Variants in WASF2 observed in about 807,000 individuals in gnomAD.
WASF2 encodes the protein actin-binding protein WASF2.
Under a neutral mutation model 45.0 loss-of-function variants are expected in WASF2, and 14 were observed. That is an observed-to-expected ratio of 0.31 (90% CI 0.21 to 0.49). The LOEUF (loss-of-function observed/expected upper bound fraction) is 0.49. Among genes scored for constraint, WASF2 ranks in the 20% least tolerant of loss-of-function variants. The pLI is 0.99. For synonymous variants in WASF2, 200 were observed against 236.3 expected (o/e 0.85, Z 1.41); for missense variants, 439 against 636.1 (o/e 0.69, Z 3.33).
chr1:27,458,147 T>C (rs554604066), intron 1 of WASF2, among the ~76,000 whole-genome samples: 1 of 151,402 alleles, frequency 6.6e-6, no homozygotes, highest in South Asian at 2.1e-4. Context: ...CTGTCGCTAC[T>C]AAAATACAAA....
At chr1:27,411,752 A>G (rs552577320) in intron 7 of WASF2, among the ~76,000 whole-genome samples, 1 of 152,126 alleles carries the variant, frequency 6.6e-6, no homozygotes, top group Non-Finnish European at 1.5e-5. Context: ...AGTCCCAGCT[A>G]CTCGAGAAGC....
At chr1:27,475,898 G>C (rs1195488209) in intron 1 of WASF2, among the ~76,000 whole-genome samples, 1 of 152,056 alleles carries the variant, frequency 6.6e-6, no homozygotes, top group Non-Finnish European at 1.5e-5. Flanking sequence ...AAAATACTTG[G>C]CCTCACGCCT....
Position 27,467,825 on chromosome 1 carries a change from T to C in WASF2, c.-44+22161A>G, listed in dbSNP as rs923334708. On this transcript the variant is annotated intron_variant, in intron 1 of 8. Transcript: ENST00000618852. ...TACTGGGGAGGCTGAGGCAGGAGAA[T>C]CGCTTGAACCCAGGAGGCGGAGGTT... Among the ~76,000 whole-genome samples the C allele has an allele frequency of 5.3e-5, 8 of 151,706 alleles. No individual in the cohort carries two copies. The East Asian group carries it at 1.6e-3, about 30-fold the overall frequency.
chr1:27,416,153 A>G (rs2016823891), intron 4 of WASF2, 51 bp from the exon 5 acceptor site: 1 of 1,495,710 alleles, frequency 6.7e-7, no homozygotes, highest in South Asian at 1.1e-5. Flanking sequence ...TGAGCTCCCA[A>G]CCAAATCCAA....
chr1:27,473,953 A>T lies in WASF2; in HGVS notation c.-44+16033T>A, dbSNP rs141271797. 6.6e-5 allele frequency among the ~76,000 whole-genome samples: 10 copies of T among 152,330 alleles called. No homozygotes were observed. The East Asian group carries it at 1.7e-3, about 26-fold the overall frequency. On this transcript the variant is annotated intron_variant, in intron 1 of 8. Coordinates refer to ENST00000618852, the MANE Select transcript of WASF2 (RefSeq NM_006990.5). ...TCACTCAGACTGGGACCATTTAGAG[A>T]CACCAATTCATCAAACACGAACAAT...
intron 1 of WASF2, among the ~76,000 whole-genome samples, chr1:27,444,427 G>A (rs554514913): frequency 1.3e-5 from 2 of 152,300 alleles, no homozygotes; most frequent in South Asian, 2.1e-4. Flanking sequence ...AAGCATTCCA[G>A]AGGGGTACCC....
intron 1 of WASF2, among the ~76,000 whole-genome samples, chr1:27,480,185 A>C (rs972161231): frequency 6.6e-6 from 1 of 152,144 alleles, no homozygotes; most frequent in Non-Finnish European, 1.5e-5. Flanking sequence ...AGTTAAACAA[A>C]ATTTCTCAAG....
intron 4 of WASF2, among the ~76,000 whole-genome samples, chr1:27,417,399 T>C (rs2016841204): frequency 6.6e-6 from 1 of 152,222 alleles, no homozygotes. Flanking sequence ...CCATGTACTT[T>C]ATATCTGTGT....
intron 2 of WASF2, among the ~76,000 whole-genome samples, chr1:27,421,858 C>T (rs1312878544): frequency 6.6e-6 from 1 of 151,936 alleles, no homozygotes; most frequent in Non-Finnish European, 1.5e-5. Flanking sequence ...CACCTGTAAT[C>T]CCAGCTACTC....
chr1:27,466,599 T>C (rs1030906066), intron 1 of WASF2, among the ~76,000 whole-genome samples: 1 of 152,206 alleles, frequency 6.6e-6, no homozygotes, highest in Non-Finnish European at 1.5e-5. Flanking sequence ...CTGGGCGCAG[T>C]GGTGCATACC....
intron 1 of WASF2, among the ~76,000 whole-genome samples, chr1:27,483,637 C>T (rs2017883673): frequency 1.3e-5 from 2 of 151,904 alleles, no homozygotes; most frequent in South Asian, 4.2e-4. Context: ...GAGACTCCAT[C>T]TCAAACAACA....
chr1:27,432,381 G>T (rs1195750475), intron 1 of WASF2, among the ~76,000 whole-genome samples: 1 of 152,104 alleles, frequency 6.6e-6, no homozygotes, highest in Admixed American at 6.5e-5. Flanking sequence ...GGGCGCGGTG[G>T]CTCACGCCTG....
chr1:27,424,805 C>T (rs973908592), intron 2 of WASF2, among the ~76,000 whole-genome samples: 14 of 152,166 alleles, frequency 9.2e-5, no homozygotes, highest in African/African-American at 3.4e-4. Context: ...ACAATTGTGC[C>T]CAGCCAATAA....
At chr1:27,415,135 C>A (rs1329477597) in intron 5 of WASF2, among the ~76,000 whole-genome samples, 172 bp from the exon 6 acceptor site, 8 of 152,170 alleles carry the variant, frequency 5.3e-5, no homozygotes, top group Non-Finnish European at 1.2e-4. Context: ...GCCATCTAAT[C>A]CAAACCATCC....
intron 1 of WASF2, among the ~76,000 whole-genome samples, chr1:27,480,093 T>C (rs2017824920): frequency 6.6e-6 from 1 of 152,214 alleles, no homozygotes. Flanking sequence ...ATCAATATTC[T>C]ACAAAGGGAA....
Position 27,415,970 on chromosome 1 carries a change from C to A in WASF2, c.537+15G>T, listed in dbSNP as rs774669386. The A allele has an allele frequency of 3.7e-6, 6 of 1,603,202 alleles. No homozygotes were observed. The highest frequency in any genetic ancestry group is 4.3e-6 in the Non-Finnish European group (5 of 1,170,298). On this transcript the variant is annotated intron_variant, in intron 5 of 8. Coordinates refer to ENST00000618852, the MANE Select transcript of WASF2 (RefSeq NM_006990.5). ...TGCCTACTGATGTGGAGAACAGAGG[C>A]CCCTTTCCCCTCACCCTATGCTTTC...
At chr1:27,415,495 T>C (rs745825474) in intron 5 of WASF2, among the ~76,000 whole-genome samples, 4 of 152,188 alleles carry the variant, frequency 2.6e-5, no homozygotes, top group Non-Finnish European at 5.9e-5. Flanking sequence ...GTCACATACA[T>C]ACCAGGAAGA....
At chr1:27,472,971 CAA>C (rs59391183) in intron 1 of WASF2, among the ~76,000 whole-genome samples, 29 of 68,284 alleles carry the variant, frequency 4.2e-4, no homozygotes, top group Middle Eastern at 8.6e-3. Context: ...GACCTTGTCT[CAA>C]AAAAAAAAAA....
chr1:27,406,690 A>AG lies in WASF2; in HGVS notation c.*1498dup, dbSNP rs911658720. ...TTCTGAATAATAGCACCTGTGTATT[A>AG]GCTCTGGGAAAAGCGGGAAGGGAGG... On this transcript the variant is annotated 3_prime_UTR_variant, in exon 9 of 9. Coordinates refer to ENST00000618852, the MANE Select transcript of WASF2 (RefSeq NM_006990.5). 3 of 147,286 alleles carry AG rather than the reference A, an allele frequency of 2.0e-5. No homozygotes were observed. Among genetic ancestry groups the AG allele is most frequent in the African/African-American group, 7.4e-5 (3 of 40,664 alleles). 9.1% of individuals were successfully genotyped at this position (147,286 alleles called of 1,614,324 possible). A position where few individuals can be genotyped will look rare whatever the true frequency, so the allele number is the denominator to read the frequency against.
Sources: allele counts gnomAD v4.1 joint callset (sites outside exome capture counted in the v4.1 genomes callset), GRCh38; gene constraint gnomAD v4.1.1; transcripts MANE v1.5; gene names NCBI Gene and HGNC (gene_info 2026-07-23, HGNC 2026-07-21).